RASSF8: variants seen among roughly 807,000 people sequenced by gnomAD.
RASSF8 encodes ras association domain-containing protein 8.
A neutral mutation model predicts 48.5 loss-of-function variants in RASSF8; 22 were observed. The observed-to-expected ratio is 0.45, with a 90% confidence interval of 0.32 to 0.65. RASSF8 has a LOEUF of 0.65. Among genes scored for constraint, RASSF8 ranks in the 30% least tolerant of loss-of-function variants. The pLI, the probability that RASSF8 is intolerant of heterozygous loss-of-function variation, is 0.03. For synonymous variants in RASSF8, 127 were observed against 171.5 expected, an observed-to-expected ratio of 0.74 and a Z score of 2.03; for missense variants, 418 against 489.2, an observed-to-expected ratio of 0.85 and a Z score of 1.37.
At chr12:26,074,287 G>T (rs1469193496), downstream of RASSF8, among the ~76,000 whole-genome samples, 1 of 152,122 alleles carries the variant, frequency 6.6e-6, no homozygotes, top group African/African-American at 2.4e-5. Flanking sequence ...CAGACATTTA[G>T]TGAGCCCCTG....
upstream of RASSF8, chr12:25,958,650 C>G (rs1475099134): frequency 6.9e-6 from 1 of 145,186 alleles, no homozygotes; most frequent in Non-Finnish European, 1.5e-5. Context: ...CCCGGCCCGG[C>G]CCGGCCCGGC....
Position 26,071,117 on chromosome 12 carries a change from C to G in RASSF8, c.*2299C>G. On this transcript the variant is annotated 3_prime_UTR_variant, in exon 6 of 6. Coordinates refer to ENST00000689635, the MANE Select transcript of RASSF8 (RefSeq NM_001394098.1). ...TGAATATGTTGAATACATTGAGAAG[C>G]TGTACTTTTTAATTAGTTATATTAC... 1 of 973,208 alleles carries G rather than the reference C, an allele frequency of 1.0e-6. No homozygotes were observed. Among genetic ancestry groups the G allele is most frequent in the Non-Finnish European group, 1.2e-6 (1 of 818,922 alleles). 60.3% of individuals were successfully genotyped at this position (973,208 alleles called of 1,614,324 possible).
chr12:26,035,569 T>C (rs183026224), intron 2 of RASSF8, among the ~76,000 whole-genome samples: 1,738 of 139,334 alleles, frequency 0.012, 37 homozygotes, highest in African/African-American at 0.042. Flanking sequence ...TTTTATATTA[T>C]ATATTGTATA....
intron 2 of RASSF8, among the ~76,000 whole-genome samples, chr12:26,016,372 C>G (rs1402352058): frequency 6.6e-6 from 1 of 151,968 alleles, no homozygotes; most frequent in Non-Finnish European, 1.5e-5. Context: ...CTCCTTTGGC[C>G]TGAGATTTTA....
At chr12:26,053,187 G>GAAAA (rs34156987) in intron 2 of RASSF8, among the ~76,000 whole-genome samples, 1 of 146,538 alleles carries the variant, frequency 6.8e-6, no homozygotes, top group Non-Finnish European at 1.5e-5. Flanking sequence ...TTCCACAATT[G>GAAAA]AAAAAAAAAA....
At chr12:26,007,859 T>A (rs2137008929) in intron 2 of RASSF8, among the ~76,000 whole-genome samples, 1 of 152,350 alleles carries the variant, frequency 6.6e-6, no homozygotes, top group South Asian at 2.1e-4. Flanking sequence ...CAATTTGGAA[T>A]AACCTAAACC....
chr12:25,992,665 A>G (rs1435405378), intron 1 of RASSF8, among the ~76,000 whole-genome samples: 2 of 152,126 alleles, frequency 1.3e-5, no homozygotes, highest in Non-Finnish European at 2.9e-5. Flanking sequence ...GGGGTGAGGT[A>G]ATGCATGCTA....
At chr12:26,052,286 A>G (rs560996017) in intron 2 of RASSF8, among the ~76,000 whole-genome samples, 1 of 152,350 alleles carries the variant, frequency 6.6e-6, no homozygotes, top group Admixed American at 6.5e-5. Context: ...ATATGTTTCC[A>G]CAAATGCAAA....
intron 3 of RASSF8, among the ~76,000 whole-genome samples, chr12:26,057,121 T>TGTGTGC: frequency 6.6e-6 from 1 of 152,008 alleles, no homozygotes; most frequent in Middle Eastern, 3.4e-3. Context: ...TGTGTGTGTG[T>TGTGTGC]GTGTGAAGTT....
At chr12:25,964,237 C>A (rs1175723529) in intron 1 of RASSF8, among the ~76,000 whole-genome samples, 1 of 151,782 alleles carries the variant, frequency 6.6e-6, no homozygotes, top group African/African-American at 2.4e-5. Flanking sequence ...TATTTATTAC[C>A]CATTTATTTC....
chr12:25,979,968 G>T (rs1941700042), intron 1 of RASSF8, among the ~76,000 whole-genome samples: 2 of 152,190 alleles, frequency 1.3e-5, no homozygotes, highest in African/African-American at 2.4e-5. Context: ...GAGGCATCAG[G>T]AAAGGTTTCT....
At chr12:25,983,228 G>A (rs2136915706) in intron 1 of RASSF8, among the ~76,000 whole-genome samples, 1 of 119,034 alleles carries the variant, frequency 8.4e-6, no homozygotes, top group South Asian at 3.3e-4. Flanking sequence ...AATTGCAAGT[G>A]AATATAAAAA....
chr12:26,022,928 G>A (rs1048420800), intron 2 of RASSF8, among the ~76,000 whole-genome samples: 1 of 152,098 alleles, frequency 6.6e-6, no homozygotes, highest in Admixed American at 6.6e-5. Context: ...TGTATTTTTA[G>A]TAGAGACGGG....
downstream of RASSF8, among the ~76,000 whole-genome samples, chr12:26,076,122 C>T (rs533478452): frequency 6.6e-6 from 1 of 152,162 alleles, no homozygotes; most frequent in African/African-American, 2.4e-5. Flanking sequence ...TGGGGGGCAT[C>T]TATGATGCCC....
intron 2 of RASSF8, among the ~76,000 whole-genome samples, chr12:26,040,003 T>C (rs2669560): frequency 0.71 from 108,603 of 152,060 alleles, 38,872 homozygotes; most frequent in South Asian, 0.79. Flanking sequence ...TTATGAATCA[T>C]ATCATGTATT....
Position 26,005,161 on chromosome 12 carries a change from TGGG to T in RASSF8, c.-109+10033_-109+10035del, listed in dbSNP as rs773544550. Among the ~76,000 whole-genome samples, 435 of 129,928 alleles carry T rather than the reference TGGG, an allele frequency of 3.3e-3. 2 individuals are homozygous for T. Among genetic ancestry groups the T allele is most frequent in the African/African-American group, 0.012 (421 of 35,096 alleles). 85.2% of individuals were successfully genotyped at this position (129,928 alleles called of 152,430 possible). A position where few individuals can be genotyped will look rare whatever the true frequency, so the allele number is the denominator to read the frequency against. On this transcript the variant is annotated intron_variant, in intron 2 of 5. Coordinates refer to ENST00000689635, the MANE Select transcript of RASSF8 (RefSeq NM_001394098.1). Reference sequence around the variant, plus strand: ...TTGTGTCTTTTTAAATTTTTACGGATGGGGTGTGTGTGTGTGTGTGTGTGTGTT... The same window carrying T: ...TTGTGTCTTTTTAAATTTTTACGGATGTGTGTGTGTGTGTGTGTGTGTGTT...
intron 5 of RASSF8, 28 bp downstream of exon 5, chr12:26,067,741 T>C: frequency 6.2e-7 from 1 of 1,611,456 alleles, no homozygotes; most frequent in Non-Finnish European, 8.5e-7. Flanking sequence ...ATGGTTTATT[T>C]TCCCTTTATT....
At chr12:25,969,881 G>A (rs899815199) in intron 1 of RASSF8, among the ~76,000 whole-genome samples, 18 of 152,118 alleles carry the variant, frequency 1.2e-4, no homozygotes, top group Non-Finnish European at 1.6e-4. Context: ...CTTGTTCCTT[G>A]AAATGTGCCA....
At chr12:26,033,323 T>C (rs1943066790) in intron 2 of RASSF8, among the ~76,000 whole-genome samples, 1 of 152,200 alleles carries the variant, frequency 6.6e-6, no homozygotes, top group African/African-American at 2.4e-5. Flanking sequence ...AAAATTGTGA[T>C]CTTTCAGGTC....
Sources: allele counts gnomAD v4.1 joint callset (sites outside exome capture counted in the v4.1 genomes callset), GRCh38; gene constraint gnomAD v4.1.1; transcripts MANE v1.5; gene names NCBI Gene and HGNC (gene_info 2026-07-23, HGNC 2026-07-21).